Variants in CLEC16A observed in about 807,000 individuals in gnomAD.
The protein encoded by CLEC16A is protein CLEC16A.
In CLEC16A, 51 loss-of-function variants were observed where a neutral mutation model predicts 109.5. The ratio of observed to expected loss-of-function variants is 0.47; its 90% confidence interval spans 0.37 to 0.59. CLEC16A has a LOEUF of 0.59. Ranked by LOEUF, CLEC16A falls within the 20% of genes least tolerant of loss-of-function variation. The pLI is 0.00. For synonymous variants in CLEC16A, 673 were observed against 564.2 expected (o/e 1.19, Z -2.73); for missense variants, 1,339 against 1,394.0 (o/e 0.96, Z 0.63).
At chr16:11,133,732 T>C (rs1266266676) in intron 22 of CLEC16A, among the ~76,000 whole-genome samples, 1 of 152,176 alleles carries the variant, frequency 6.6e-6, no homozygotes, top group Non-Finnish European at 1.5e-5. Context: ...ATTTTTCTTG[T>C]TTCTGATTAT....
In CLEC16A at chr16:11,178,923, G is replaced by GAAT; in HGVS notation, c.*234_*236dup. The GAAT allele has an allele frequency of 4.2e-6, 2 of 481,452 alleles. No homozygotes were observed. The highest frequency in any genetic ancestry group is 7.3e-6 in the Non-Finnish European group (2 of 274,810). 29.8% of individuals were successfully genotyped at this position (481,452 alleles called of 1,614,324 possible). On this transcript the variant is annotated 3_prime_UTR_variant, in exon 24 of 24. Transcript: ENST00000409790. The surrounding 1 kb of genome is among the most constrained non-coding windows in gnomAD (Gnocchi z 6.5). Reference sequence around the variant, plus strand: ...CTGGGACCAGCGGAGACACCGCGGCGAATGCAGATGACTGCACCGGCCACT... The same window carrying GAAT: ...CTGGGACCAGCGGAGACACCGCGGCGAATAATGCAGATGACTGCACCGGCCACT...
At chr16:11,036,554 T>TTG (rs2047033417) in intron 13 of CLEC16A, among the ~76,000 whole-genome samples, 1 of 58,928 alleles carries the variant, frequency 1.7e-5, no homozygotes, top group African/African-American at 8.2e-5. Flanking sequence ...CTTTTTTTTT[T>TTG]TTTTTTTTTT....
At chr16:11,066,138 C>T (rs373369501) in intron 19 of CLEC16A, among the ~76,000 whole-genome samples, 16 of 152,136 alleles carry the variant, frequency 1.1e-4, no homozygotes, top group African/African-American at 2.9e-4. Context: ...CTGAGTCTCC[C>T]GGCACTTCAG....
At chr16:11,031,071 T>A (rs1028976787) in intron 13 of CLEC16A, among the ~76,000 whole-genome samples, 1 of 152,198 alleles carries the variant, frequency 6.6e-6, no homozygotes, top group Non-Finnish European at 1.5e-5. Flanking sequence ...CCGCCTTTTC[T>A]CTGTATTTTT....
chr16:11,123,836 T>A lies in CLEC16A; in HGVS notation c.2363T>A (p.Ile788Asn). 1 of 1,613,950 alleles carries A rather than the reference T, an allele frequency of 6.2e-7. No homozygotes were observed. The highest frequency in any genetic ancestry group is 8.5e-7 in the Non-Finnish European group (1 of 1,179,882). Residue 788 changes from isoleucine (I) to asparagine (N), a missense_variant, in exon 21 of 24, where the codon ATC (isoleucine) becomes AAC (asparagine). Physicochemically the swap from Ile to Asn is moderately radical, Grantham distance 149. This residue lies in a region of CLEC16A where 1,061 missense variants were observed against 1,006.8 expected (regional missense o/e 1.05). Transcript: ENST00000409790. Reference protein sequence around the residue: ...ASSPHSKPFPILQATFIFSDH... With the variant: ...ASSPHSKPFPNLQATFIFSDH... ...AGCCCCCATTCCAAGCCCTTCCCCA[T>A]CCTCCAGGCCACCTTCATCTTCTCA... is the stretch of plus-strand genomic sequence containing the variant.
intron 1 of CLEC16A, among the ~76,000 whole-genome samples, chr16:10,952,215 C>T (rs989622724): frequency 1.3e-5 from 2 of 152,130 alleles, no homozygotes; most frequent in African/African-American, 4.8e-5. Context: ...TAAAATGGGC[C>T]GGGTGAGTTG....
rs754552566 is a variant in CLEC16A, at chr16:11,003,118, C to T, written c.1116C>T (p.Leu372=). Residue 372 remains leucine (L), a synonymous_variant, in exon 11 of 24, where the codon CTC becomes CTT. Transcript: ENST00000409790. ...IRCFIKPTET[L]ERSLEMNKHK... ...GCTTCATTAAACCCACCGAGACACTCGAGCGGTCCCTTGAGATGAACAAGC... is the reference window on the plus strand; with the variant it reads ...GCTTCATTAAACCCACCGAGACACTTGAGCGGTCCCTTGAGATGAACAAGC... The T allele has an allele frequency of 1.5e-5, 24 of 1,613,598 alleles. No homozygotes were observed. The highest frequency in any genetic ancestry group is 1.7e-4 in the Middle Eastern group (1 of 6,030).
chr16:11,055,605 T>TTTTTTC (rs1268458004), intron 18 of CLEC16A, among the ~76,000 whole-genome samples: 11 of 141,336 alleles, frequency 7.8e-5, no homozygotes, highest in African/African-American at 2.8e-4. Context: ...TTTTTTTTTT[T>TTTTTTC]TGAGACGAGT....
intron 20 of CLEC16A, among the ~76,000 whole-genome samples, chr16:11,122,035 A>T (rs2052457529): frequency 6.6e-6 from 1 of 152,086 alleles, no homozygotes; most frequent in South Asian, 2.1e-4. Context: ...TCCAGCTGAC[A>T]CTTCAGGCCT....
intron 1 of CLEC16A, among the ~76,000 whole-genome samples, chr16:10,948,221 G>C (rs987067943): frequency 1.3e-5 from 2 of 152,164 alleles, no homozygotes; most frequent in Non-Finnish European, 2.9e-5. Flanking sequence ...AACAGTTTGA[G>C]ATTTACAGAA....
intron 12 of CLEC16A, among the ~76,000 whole-genome samples, chr16:11,020,934 G>T (rs1283647242): frequency 6.6e-6 from 1 of 152,212 alleles, no homozygotes; most frequent in Non-Finnish European, 1.5e-5. Context: ...TACTCCCAGC[G>T]TATGCTGGTA....
chr16:11,071,580 T>A (rs2049071892), intron 19 of CLEC16A, among the ~76,000 whole-genome samples: 2 of 151,620 alleles, frequency 1.3e-5, no homozygotes, highest in Admixed American at 6.6e-5. Context: ...AGTAATATAA[T>A]TGAGGTCAAT....
At chr16:11,014,711 T>A (rs949125265) in intron 11 of CLEC16A, among the ~76,000 whole-genome samples, 1 of 152,192 alleles carries the variant, frequency 6.6e-6, no homozygotes, top group African/African-American at 2.4e-5. Flanking sequence ...AGTCCCGGCC[T>A]TGGGGACCAT....
At chr16:11,043,126 A>C (rs1255868048) in intron 15 of CLEC16A, among the ~76,000 whole-genome samples, 2 of 152,198 alleles carry the variant, frequency 1.3e-5, no homozygotes, top group Non-Finnish European at 2.9e-5. Flanking sequence ...TGTCTTATAC[A>C]AATGTAGTTG....
chr16:11,024,710 T>C (rs78418537), intron 12 of CLEC16A, 111 bp from the exon 13 acceptor site: 2 of 739,846 alleles, frequency 2.7e-6, no homozygotes, highest in Non-Finnish European at 2.3e-6. Context: ...CACACAGTTG[T>C]GGCCTAAAGA....
chr16:11,039,722 G>A lies in CLEC16A; in HGVS notation c.1538-32G>A, dbSNP rs1158952055. The stretch of plus-strand genomic sequence containing the variant: ...TATGAGGAGGTCAGGTAGTCAGGAG[G>A]CCTCCACTTACATCCTTCTCCTCTG... On this transcript the variant is annotated intron_variant, in intron 13 of 23. Coordinates refer to ENST00000409790, the MANE Select transcript of CLEC16A (RefSeq NM_015226.3). 1.9e-6 allele frequency: 3 copies of A among 1,574,538 alleles called. No homozygotes were observed. In the African/African-American group the frequency reaches 4.1e-5, roughly 21 times the overall value.
At chr16:11,053,396 C>A (rs1375736337) in intron 18 of CLEC16A, among the ~76,000 whole-genome samples, 2 of 151,360 alleles carry the variant, frequency 1.3e-5, no homozygotes, top group African/African-American at 4.9e-5. Flanking sequence ...TAGACAGGGT[C>A]CTGCTCTGTC....
Position 11,008,134 on chromosome 16 carries a change from A to G in CLEC16A, c.1303+4829A>G, listed in dbSNP as rs75788854. Among the ~76,000 whole-genome samples, 546 of 152,294 alleles carry G rather than the reference A, an allele frequency of 3.6e-3. 1 individual carries two copies. Among genetic ancestry groups the G allele is most frequent in the Non-Finnish European group, 5.7e-3 (387 of 68,022 alleles). ...TGAAATTCTGCTAAAAAGCCAGCCAATTACATGCAGGCTGTCCCTTATATC... is the reference window on the plus strand; with the variant it reads ...TGAAATTCTGCTAAAAAGCCAGCCAGTTACATGCAGGCTGTCCCTTATATC... On this transcript the variant is annotated intron_variant, in intron 11 of 23. Coordinates refer to ENST00000409790, the MANE Select transcript of CLEC16A (RefSeq NM_015226.3).
intron 22 of CLEC16A, among the ~76,000 whole-genome samples, chr16:11,140,837 C>T (rs2053791487): frequency 6.6e-6 from 1 of 152,210 alleles, no homozygotes; most frequent in African/African-American, 2.4e-5. Context: ...GGTTCAAATC[C>T]ACACCTACCC....
Sources: gnomAD v4.1 joint callset for allele counts (sites outside exome capture counted in the v4.1 genomes callset) on GRCh38, gnomAD v4.1.1 for gene constraint, gnomAD v4.1.1 regional missense constraint, Gnocchi (gnomAD v3.1) non-coding constraint, MANE v1.5 for transcripts, NCBI Gene and HGNC (gene_info 2026-07-23, HGNC 2026-07-21) for gene names.